The following CAMTA1 variants were observed in gnomAD, a reference collection of about 807,000 sequenced individuals.
The protein encoded by CAMTA1 is calmodulin binding transcription activator 1, also known as calmodulin-binding transcription activator 1.
In CAMTA1, 27 loss-of-function variants were observed where a neutral mutation model predicts 170.9. The observed-to-expected ratio is 0.16, with a 90% confidence interval of 0.12 to 0.22. The LOEUF (loss-of-function observed/expected upper bound fraction) is 0.22. Ranked by LOEUF, CAMTA1 falls within the 10% of genes least tolerant of loss-of-function variation. The pLI, the probability that CAMTA1 is intolerant of heterozygous loss-of-function variation, is 1.00. For synonymous variants in CAMTA1, 833 were observed against 891.5 expected, an observed-to-expected ratio of 0.93 and a Z score of 1.17; for missense variants, 1,619 against 2,217.2, an observed-to-expected ratio of 0.73 and a Z score of 5.42.
chr1:7,670,190 A>T (rs1338051683), intron 9 of CAMTA1, among the ~76,000 whole-genome samples: 1 of 152,142 alleles, frequency 6.6e-6, no homozygotes, highest in Non-Finnish European at 1.5e-5. Flanking sequence ...GCAGTGACAC[A>T]GACTCAAGGA....
chr1:7,288,717 C>A (rs1672688901), intron 5 of CAMTA1, among the ~76,000 whole-genome samples: 1 of 152,178 alleles, frequency 6.6e-6, no homozygotes, highest in Non-Finnish European at 1.5e-5. Context: ...GGTGCCCATG[C>A]AAAGCCCAAG....
chr1:7,094,349 G>T (rs1462899294), intron 4 of CAMTA1, among the ~76,000 whole-genome samples: 2 of 141,646 alleles, frequency 1.4e-5, no homozygotes, highest in Non-Finnish European at 3.0e-5. Context: ...AGGAATTAAT[G>T]ACACCAATAC....
At position 7,565,585 on chromosome 1, in the gene CAMTA1, T is replaced by C. The variant is rs2095030599; in HGVS notation, c.511-74815T>C. ...CAGAGCTTGGGACCCTCGAACTCCA[T>C]TGGGCCTACCTGACTGAGACCCCAG... On this transcript the variant is annotated intron_variant, in intron 6 of 22. Coordinates refer to ENST00000303635, the MANE Select transcript of CAMTA1 (RefSeq NM_015215.4). This position sits in a 1 kb window ranked among gnomAD's most constrained non-coding sequence, Gnocchi z 4.5. Among the ~76,000 whole-genome samples, 2 of 152,108 alleles carry C rather than the reference T, an allele frequency of 1.3e-5. No homozygotes were observed. The highest frequency in any genetic ancestry group is 2.1e-4 in the South Asian group (1 of 4,822).
At chr1:7,376,362 C>T (rs1379122191) in intron 5 of CAMTA1, among the ~76,000 whole-genome samples, 1 of 152,168 alleles carries the variant, frequency 6.6e-6, no homozygotes, top group Non-Finnish European at 1.5e-5. Flanking sequence ...TCCTCAGCTG[C>T]AAAAAGGAAG....
At chr1:7,413,094 T>G (rs1286393899) in intron 5 of CAMTA1, among the ~76,000 whole-genome samples, 1 of 150,950 alleles carries the variant, frequency 6.6e-6, no homozygotes, top group African/African-American at 2.4e-5. Flanking sequence ...CTGAGGGCTC[T>G]GTTCTGTTCC....
chr1:7,026,349 AG>A lies in CAMTA1; in HGVS notation c.235-64948del, dbSNP rs200606359. ...TTCATCATGATATTCCTATATGTCCAGGGGGGGAGTCATCCGTGGCACGGCC... is the reference window on the plus strand; with the variant it reads ...TTCATCATGATATTCCTATATGTCCAGGGGGGAGTCATCCGTGGCACGGCC... On this transcript the variant is annotated intron_variant, in intron 3 of 22. Transcript: ENST00000303635. Among the ~76,000 whole-genome samples the A allele has an allele frequency of 1.4e-3, 215 of 151,990 alleles. 3 individuals are homozygous for A. The highest frequency in any genetic ancestry group is 5.0e-3 in the African/African-American group (209 of 41,460).
At chr1:7,138,953 C>T (rs1438064126) in intron 4 of CAMTA1, among the ~76,000 whole-genome samples, 2 of 148,464 alleles carry the variant, frequency 1.3e-5, no homozygotes, top group Non-Finnish European at 3.0e-5. Flanking sequence ...CAACATGGCA[C>T]CACTGTACTC....
At chr1:7,319,179 T>G (rs1677981638) in intron 5 of CAMTA1, among the ~76,000 whole-genome samples, 1 of 152,070 alleles carries the variant, frequency 6.6e-6, no homozygotes, top group South Asian at 2.1e-4. Context: ...GGTGCAGGGG[T>G]GAGAAAGTGG....
chr1:7,205,461 A>C (rs1157727714), intron 4 of CAMTA1, among the ~76,000 whole-genome samples: 1 of 151,948 alleles, frequency 6.6e-6, no homozygotes, highest in Non-Finnish European at 1.5e-5. Flanking sequence ...TTTTTTCTTC[A>C]TGTATTTTGG....
At chr1:7,603,258 G>C (rs2095461221) in intron 6 of CAMTA1, among the ~76,000 whole-genome samples, 1 of 152,166 alleles carries the variant, frequency 6.6e-6, no homozygotes, top group South Asian at 2.1e-4. Context: ...CTGTCTCATT[G>C]ATCTTTCTAA....
intron 3 of CAMTA1, among the ~76,000 whole-genome samples, chr1:6,886,698 C>G (rs1673326900): frequency 6.6e-6 from 1 of 152,206 alleles, no homozygotes; most frequent in Non-Finnish European, 1.5e-5. Context: ...CCCTCCACAC[C>G]CTACCACATG....
rs78194182 is a variant in CAMTA1, at chr1:7,559,905, G to A, written c.511-80495G>A. ...CTAGAAGGAAACACAAGTCAGACTC[G>A]CAGCGAGTTTCCGGAACCTGTCTGG... On this transcript the variant is annotated intron_variant, in intron 6 of 22. Coordinates refer to ENST00000303635, the MANE Select transcript of CAMTA1 (RefSeq NM_015215.4). Among the ~76,000 whole-genome samples the A allele has an allele frequency of 3.3e-3, 510 of 152,340 alleles. 1 individual carries two copies. The highest frequency in any genetic ancestry group is 0.011 in the African/African-American group (475 of 41,586).
intron 6 of CAMTA1, among the ~76,000 whole-genome samples, chr1:7,630,872 T>A (rs2095664567): frequency 6.6e-6 from 1 of 152,198 alleles, no homozygotes; most frequent in Admixed American, 6.5e-5. Context: ...CAGCACAGAT[T>A]GCAGGACCAA....
Position 7,663,920 on chromosome 1 carries a change from CCAA to C in CAMTA1, c.1375_1377del (p.Asn459del). On this transcript the variant is annotated inframe_deletion, in exon 9 of 23. Coordinates refer to ENST00000303635, the MANE Select transcript of CAMTA1 (RefSeq NM_015215.4). The stretch of plus-strand genomic sequence containing the variant: ...TCGGAGAGCCTGTCCATGCTGCCCA[CCAA>C]CGTGTCCGAAGAGCTGGTCCTCTCC... 2 of 1,613,936 alleles carry C rather than the reference CCAA, an allele frequency of 1.2e-6. No homozygotes were observed. Among genetic ancestry groups the C allele is most frequent in the Non-Finnish European group, 1.7e-6 (2 of 1,180,040 alleles).
At chr1:7,687,144 C>T (rs938386064) in intron 11 of CAMTA1, among the ~76,000 whole-genome samples, 2 of 151,662 alleles carry the variant, frequency 1.3e-5, no homozygotes, top group African/African-American at 4.9e-5. Flanking sequence ...ACGAAGACTC[C>T]GTGAAACAGC....
chr1:6,917,470 G>A (rs1681057356), intron 3 of CAMTA1, among the ~76,000 whole-genome samples: 1 of 151,872 alleles, frequency 6.6e-6, no homozygotes, highest in African/African-American at 2.4e-5. Flanking sequence ...TTGGCCCAGA[G>A]TGTGGCAATG....
At position 7,463,854 on chromosome 1, in the gene CAMTA1, A is replaced by G. The variant is rs907707816; in HGVS notation, c.439-3976A>G. The stretch of plus-strand genomic sequence containing the variant: ...TGGTGTGGGACCCCCACTGCGTTTG[A>G]GGGGGCTCTGCGGCCATGCTCCCTT... On this transcript the variant is annotated intron_variant, in intron 5 of 22. Transcript: ENST00000303635. The surrounding 1 kb of genome is among the most constrained non-coding windows in gnomAD (Gnocchi z 4.7). 1.1e-4 allele frequency among the ~76,000 whole-genome samples: 17 copies of G among 152,168 alleles called. No individual in the cohort carries two copies. The highest frequency in any genetic ancestry group is 3.4e-4 in the African/African-American group (14 of 41,436).
At chr1:7,662,942 G>A (rs181401335) in intron 8 of CAMTA1, among the ~76,000 whole-genome samples, 34 of 152,282 alleles carry the variant, frequency 2.2e-4, no homozygotes, top group African/African-American at 7.9e-4. Context: ...GGATACGAAC[G>A]TAGCCACTCT....
chr1:7,701,754 C>A (rs966634590), intron 11 of CAMTA1, among the ~76,000 whole-genome samples: 1 of 152,104 alleles, frequency 6.6e-6, no homozygotes, highest in Non-Finnish European at 1.5e-5. Flanking sequence ...TTGCACTTAA[C>A]CTTGGTACTG....
Sources: allele counts gnomAD v4.1 joint callset (sites outside exome capture counted in the v4.1 genomes callset), GRCh38; gene constraint gnomAD v4.1.1; non-coding constraint Gnocchi (gnomAD v3.1); transcripts MANE v1.5; gene names NCBI Gene and HGNC (gene_info 2026-07-23, HGNC 2026-07-21).